Variants in RAPGEF5 observed in about 807,000 individuals in gnomAD.
The protein encoded by RAPGEF5 is M-Ras-regulated GEF.
A neutral mutation model predicts 125.2 loss-of-function variants in RAPGEF5; 65 were observed. The ratio of observed to expected loss-of-function variants is 0.52; its 90% CI spans 0.43 to 0.64. RAPGEF5 has a LOEUF of 0.64. RAPGEF5 is among the 30% of genes least tolerant of loss of function. RAPGEF5 has a pLI of 0.00. For synonymous variants in RAPGEF5, 391 were observed against 385.9 expected, an observed-to-expected ratio of 1.01 and a Z score of -0.16; for missense variants, 958 against 1,048.1, an observed-to-expected ratio of 0.91 and a Z score of 1.19.
intron 1 of RAPGEF5, among the ~76,000 whole-genome samples, chr7:22,322,696 C>A (rs1268364181): frequency 7.2e-5 from 11 of 152,024 alleles, no homozygotes; most frequent in Admixed American, 7.2e-4. Flanking sequence ...TCGGCTAGAC[C>A]CAGCAGTTCT....
At chr7:22,355,910 C>A (rs1784412137) in intron 1 of RAPGEF5, 1 of 962,826 alleles carries the variant, frequency 1.0e-6, no homozygotes, top group African/African-American at 1.8e-5. Flanking sequence ...GAAAGAAAAA[C>A]CACATTGATG....
chr7:22,151,788 C>A (rs1387207627), intron 17 of RAPGEF5, among the ~76,000 whole-genome samples: 1 of 152,142 alleles, frequency 6.6e-6, no homozygotes, highest in Admixed American at 6.5e-5. Flanking sequence ...GGTAAGTTTA[C>A]TATTTTGCTA....
chr7:22,290,098 A>C (rs771639699), intron 6 of RAPGEF5, among the ~76,000 whole-genome samples: 1 of 152,246 alleles, frequency 6.6e-6, no homozygotes, highest in Non-Finnish European at 1.5e-5. Flanking sequence ...TCTAAGCTGC[A>C]TTCCAGAAGA....
intron 6 of RAPGEF5, among the ~76,000 whole-genome samples, chr7:22,283,726 G>T (rs537444510): frequency 1.3e-5 from 2 of 152,186 alleles, no homozygotes; most frequent in East Asian, 3.9e-4. Flanking sequence ...CATGGGTATT[G>T]CATATCAAAG....
chr7:22,293,475 A>G (rs553575202), intron 5 of RAPGEF5, among the ~76,000 whole-genome samples: 1 of 152,126 alleles, frequency 6.6e-6, no homozygotes, highest in East Asian at 1.9e-4. Context: ...CTAGGCTCTC[A>G]TCTTCGCTTG....
chr7:22,169,882 G>A (rs75341799), intron 11 of RAPGEF5, among the ~76,000 whole-genome samples: 114 of 8,304 alleles, frequency 0.014, no homozygotes, highest in Non-Finnish European at 0.022. Flanking sequence ...AAAAAAAAAA[G>A]CTGAATCTTC....
intron 3 of RAPGEF5, chr7:22,314,552 C>G: frequency 1.2e-6 from 1 of 834,786 alleles, no homozygotes; most frequent in Non-Finnish European, 1.4e-6. Flanking sequence ...AAGGAATATC[C>G]TTTATTCTGA....
intron 7 of RAPGEF5, among the ~76,000 whole-genome samples, chr7:22,249,156 T>G (rs1219559493): frequency 2.6e-5 from 4 of 152,178 alleles, no homozygotes; most frequent in Non-Finnish European, 4.4e-5. Flanking sequence ...TCAGATACAC[T>G]TAATTGGAGC....
intron 11 of RAPGEF5, among the ~76,000 whole-genome samples, chr7:22,172,039 T>C (rs1023669386): frequency 3.3e-5 from 5 of 152,260 alleles, no homozygotes; most frequent in East Asian, 1.9e-4. Flanking sequence ...AAAATATATA[T>C]AGAAATGGTT....
At chr7:22,169,676 G>A (rs564807614) in intron 11 of RAPGEF5, among the ~76,000 whole-genome samples, 41 of 141,908 alleles carry the variant, frequency 2.9e-4, no homozygotes, top group Non-Finnish European at 4.8e-4. Context: ...CCAACATTGC[G>A]AAACTCCATC....
chr7:22,168,943 A>G (rs1784256719), intron 11 of RAPGEF5, among the ~76,000 whole-genome samples: 1 of 152,236 alleles, frequency 6.6e-6, no homozygotes, highest in African/African-American at 2.4e-5. Flanking sequence ...ATTCCCTGTC[A>G]AAATAATAAA....
chr7:22,265,054 G>A (rs1018331204), intron 7 of RAPGEF5, among the ~76,000 whole-genome samples: 1 of 152,042 alleles, frequency 6.6e-6, no homozygotes, highest in African/African-American at 2.4e-5. Context: ...TGCAAATATT[G>A]TATAATAATC....
At chr7:22,162,840 G>A in intron 12 of RAPGEF5, 1 of 486,974 alleles carries the variant, frequency 2.1e-6, no homozygotes, top group Admixed American at 2.5e-5. Context: ...GAGATACTAG[G>A]TGGTCCATTA....
intron 13 of RAPGEF5, among the ~76,000 whole-genome samples, chr7:22,160,934 C>T (rs985103248): frequency 6.6e-6 from 1 of 152,050 alleles, no homozygotes; most frequent in Non-Finnish European, 1.5e-5. Context: ...TGGTGGCTCA[C>T]GCCTGTAATT....
intron 11 of RAPGEF5, among the ~76,000 whole-genome samples, chr7:22,183,773 T>G (rs1784747671): frequency 1.3e-5 from 2 of 152,164 alleles, no homozygotes; most frequent in Non-Finnish European, 2.9e-5. Flanking sequence ...TTATCTCACC[T>G]TCAGCCTCTA....
At chr7:22,240,213 A>C (rs1786294357) in intron 7 of RAPGEF5, among the ~76,000 whole-genome samples, 1 of 151,156 alleles carries the variant, frequency 6.6e-6, no homozygotes, top group Non-Finnish European at 1.5e-5. Flanking sequence ...CCACCTCAAA[A>C]AAAAAAAAAA....
In RAPGEF5 at chr7:22,266,968, C is replaced by A; in HGVS notation, c.792G>T (p.Lys264Asn). 6.2e-7 allele frequency: 1 copy of A among 1,609,670 alleles called. No homozygotes were observed. The highest frequency in any genetic ancestry group is 8.5e-7 in the Non-Finnish European group (1 of 1,176,258). ...LAAVIALKAR[K>N]SAIEQDEENN... ...GCCCCATAAAAGATGACTTACCAGACTTCCTTGCTTTCAAAGCAATAACAG... is the reference window on the plus strand; with the variant it reads ...GCCCCATAAAAGATGACTTACCAGAATTCCTTGCTTTCAAAGCAATAACAG... Residue 264 changes from lysine (K) to asparagine (N), a missense_variant, in exon 7 of 26, where the codon AAG (lysine) becomes AAT (asparagine). Transcript: ENST00000665637.
Position 22,315,425 on chromosome 7 carries a change from T to A in RAPGEF5, c.334A>T (p.Ile112Phe), listed in dbSNP as rs1015479575. ...TTTATCAGGTCAGCTGCTTGAACGA[T>A]AATAATATTCCTCAATGCTCTTCCT... is the stretch of plus-strand genomic sequence containing the variant. ...CAGRALRNIIIVQAADLIKDR... is the reference protein window; with the variant it reads ...CAGRALRNIIFVQAADLIKDR... Residue 112 changes from isoleucine (I) to phenylalanine (F), a missense_variant, in exon 3 of 26, where the codon ATC becomes TTC. Coordinates refer to ENST00000665637, the MANE Select transcript of RAPGEF5 (RefSeq NM_012294.5). 6 of 1,535,776 alleles carry A rather than the reference T, an allele frequency of 3.9e-6. No individual in the cohort carries two copies. Among genetic ancestry groups the A allele is most frequent in the Admixed American group, 4.2e-5 (2 of 48,046 alleles).
chr7:22,153,532 T>C (rs769803545), intron 17 of RAPGEF5, among the ~76,000 whole-genome samples: 14 of 152,186 alleles, frequency 9.2e-5, no homozygotes, highest in Middle Eastern at 3.2e-3. Flanking sequence ...AACCAGCTTG[T>C]AGGACCATTT....
Sources: gnomAD v4.1 joint callset for allele counts (sites outside exome capture counted in the v4.1 genomes callset) on GRCh38, gnomAD v4.1.1 for gene constraint, MANE v1.5 for transcripts, NCBI Gene and HGNC (gene_info 2026-07-23, HGNC 2026-07-21) for gene names.